Variants in SLC7A8 observed in about 807,000 individuals in gnomAD.
SLC7A8 encodes large neutral amino acids transporter small subunit 2.
In SLC7A8, 30 loss-of-function variants were observed where a neutral mutation model predicts 51.2. That is an observed-to-expected ratio of 0.59 (90% CI 0.44 to 0.80). The LOEUF (loss-of-function observed/expected upper bound fraction) is 0.80, where lower values mean the gene tolerates loss of function less well. Among genes scored for constraint, SLC7A8 ranks in the 30% least tolerant of loss-of-function variants. The probability of loss-of-function intolerance (pLI) is 0.00; values close to 1 mark genes in which losing one functional copy is unlikely to be tolerated. For missense variants in SLC7A8, 612 were observed against 674.4 expected (o/e 0.91, Z 1.03); for synonymous variants, 257 against 275.8 (o/e 0.93, Z 0.67).
Position 23,127,084 on chromosome 14 carries a change from G to GGT in SLC7A8, c.*91_*92dup, listed in dbSNP as rs1279638411. The GGT allele has an allele frequency of 1.4e-6, 2 of 1,441,892 alleles. No homozygotes were observed. The highest frequency in any genetic ancestry group is 1.8e-5 in the Admixed American group (1 of 56,900). 89.3% of individuals were successfully genotyped at this position (1,441,892 alleles called of 1,614,324 possible). The stretch of plus-strand genomic sequence containing the variant: ...ACTGCCTGACAAAAGCAGAGAGAGG[G>GGT]GTGTGTGTGTACTCGCATGTGTTGG... On this transcript the variant is annotated 3_prime_UTR_variant, in exon 11 of 11. Coordinates refer to ENST00000316902, the MANE Select transcript of SLC7A8 (RefSeq NM_012244.4).
rs140950939 is a variant in SLC7A8, at chr14:23,127,029, A to G, written c.*148T>C. ...GTATGAATGTCAGTTTTTGTTTACA[A>G]TTTCTCACCACCCACACCAAAGTCC... On this transcript the variant is annotated 3_prime_UTR_variant, in exon 11 of 11. Transcript: ENST00000316902. 2.2e-3 allele frequency: 2,112 copies of G among 980,526 alleles called. 32 individuals carry two copies. In the African/African-American group the frequency reaches 0.031, roughly 14 times the overall value. The allele number at this position is 980,526 out of a possible 1,614,324, so 60.7% of individuals were successfully genotyped here.
At chr14:23,155,943 T>G (rs747924809) in intron 3 of SLC7A8, among the ~76,000 whole-genome samples, 3 of 152,144 alleles carry the variant, frequency 2.0e-5, no homozygotes, top group African/African-American at 7.2e-5. Context: ...GGTTCAGTTA[T>G]AACCCAATTC....
At chr14:23,155,068 A>G in intron 3 of SLC7A8, 4 of 1,070,322 alleles carry the variant, frequency 3.7e-6, no homozygotes, top group Non-Finnish European at 5.3e-6. Context: ...AGCTTCTATA[A>G]AGTGCACAGT....
intron 3 of SLC7A8, among the ~76,000 whole-genome samples, chr14:23,154,780 A>G (rs1344565990): frequency 1.3e-5 from 2 of 152,240 alleles, no homozygotes; most frequent in Non-Finnish European, 2.9e-5. Context: ...ACACGGATCC[A>G]GCTTCACAGA....
rs758931042 is a variant in SLC7A8, at chr14:23,165,324, G to C, written c.469C>G (p.Pro157Ala). ...LQPLFPTCFP[P>A]ESGLRLLAAI... ...GCCAGGAGCCGAAGGCCAGACTCTG[G>C]GGGGAAGCAGGTGGGGAAGAGCGGC... Residue 157 changes from proline (P) to alanine (A), a missense_variant, in exon 3 of 11, where the codon CCA (proline) becomes GCA (alanine). By Grantham distance (27) the Pro-to-Ala change is conservative. Coordinates refer to ENST00000316902, the MANE Select transcript of SLC7A8 (RefSeq NM_012244.4). The surrounding 1 kb of genome is among the most constrained non-coding windows in gnomAD (Gnocchi z 4.2). The C allele has an allele frequency of 5.0e-6, 8 of 1,608,298 alleles. No homozygotes were observed. The African/African-American group carries it at 5.4e-5, about 11-fold the overall frequency.
In SLC7A8 at chr14:23,166,484, C is replaced by A; in HGVS notation, c.208G>T (p.Gly70Cys). The change falls in exon 2 of 11, where the codon GGT (glycine) becomes TGT (cysteine). Residue 70 changes from glycine (G) to cysteine (C), a missense_variant. By Grantham distance (159) the Gly-to-Cys change is radical. Coordinates refer to ENST00000316902, the MANE Select transcript of SLC7A8 (RefSeq NM_012244.4). ...ACGATGAGAGCAAGGCCCACAGAAC[C>A]AGCATTCTCCAGCACTCCCTTTGGC... ...VSPKGVLENA[G>C]SVGLALIVWI... 1 of 1,614,176 alleles carries A rather than the reference C, an allele frequency of 6.2e-7. No individual in the cohort carries two copies. Among genetic ancestry groups the A allele is most frequent in the Non-Finnish European group, 8.5e-7 (1 of 1,180,042 alleles).
intron 7 of SLC7A8, among the ~76,000 whole-genome samples, chr14:23,135,812 T>A (rs568537245): frequency 2.0e-5 from 3 of 152,224 alleles, no homozygotes; most frequent in Non-Finnish European, 4.4e-5. Context: ...TTTTTACACA[T>A]TATATCAATG....
intron 3 of SLC7A8, among the ~76,000 whole-genome samples, chr14:23,161,298 C>T (rs529070884): frequency 6.6e-6 from 1 of 152,160 alleles, no homozygotes; most frequent in Non-Finnish European, 1.5e-5. Context: ...ACCCTCGCCA[C>T]GGGCTTTACC....
chr14:23,140,537 C>A lies in SLC7A8; in HGVS notation c.722G>T (p.Gly241Val), dbSNP rs777741075. The A allele has an allele frequency of 3.7e-6, 6 of 1,613,954 alleles. No individual in the cohort carries two copies. The highest frequency in any genetic ancestry group is 3.3e-5 in the South Asian group (3 of 91,066). ...GTTCCAGCCTCCATAGGCAAAGGAG[C>A]CCTGAAGGAAAGCCAGTGCGACGAG... The part of the protein sequence containing the change: ...IGLVALAFLQ[G>V]SFAYGGWNFL... The change falls in exon 5 of 11, where the codon GGC becomes GTC. Residue 241 changes from glycine (G) to valine (V), a missense_variant. Gly to Val is a moderately radical substitution (Grantham distance 109). Transcript: ENST00000316902.
At chr14:23,161,918 C>T (rs1471580617) in intron 3 of SLC7A8, among the ~76,000 whole-genome samples, 1 of 95,156 alleles carries the variant, frequency 1.1e-5, no homozygotes, top group African/African-American at 4.0e-5. Context: ...CAGAGTGAGA[C>T]TCCATCTAAA....
chr14:23,170,362 A>C (rs1471728251), intron 1 of SLC7A8, among the ~76,000 whole-genome samples: 1 of 152,100 alleles, frequency 6.6e-6, no homozygotes, highest in Admixed American at 6.6e-5. Context: ...ACTTTCCTGG[A>C]GTGGCTTTGA....
intron 1 of SLC7A8, among the ~76,000 whole-genome samples, chr14:23,167,586 G>T (rs896373537): frequency 1.3e-5 from 2 of 152,092 alleles, no homozygotes; most frequent in African/African-American, 4.8e-5. Flanking sequence ...AGGAGTAAGA[G>T]TGTGGAGGCC....
intron 3 of SLC7A8, chr14:23,154,253 CCTCACCTTTTGCTGGGGCGT>C (rs1444147569): frequency 2.0e-6 from 2 of 1,000,166 alleles, no homozygotes; most frequent in African/African-American, 3.5e-5. Context: ...GGCTTCTCAG[CCTCACCTTTTGCTGGGGCGT>C]TCACTTCTCT....
chr14:23,161,977 TTGTTTTAC>T (rs1016155011), intron 3 of SLC7A8, among the ~76,000 whole-genome samples: 6 of 150,726 alleles, frequency 4.0e-5, no homozygotes, highest in African/African-American at 1.5e-4. Context: ...AGCTTGGTTC[TTGTTTTAC>T]TGAATACCGT....
chr14:23,129,626 G>A (rs746664823), intron 9 of SLC7A8, 24 bp downstream of exon 9: 4 of 1,611,894 alleles, frequency 2.5e-6, no homozygotes, highest in African/African-American at 1.3e-5. Context: ...AAGGGGAGGG[G>A]ACCCCAAAGG....
rs189695808 is a variant in SLC7A8, at chr14:23,140,332, C to T, written c.788+139G>A. 164 of 917,952 alleles carry T rather than the reference C, an allele frequency of 1.8e-4. No individual in the cohort carries two copies. In the East Asian group the frequency reaches 2.9e-3, roughly 16 times the overall value. The allele number at this position is 917,952 out of a possible 1,614,324, so 56.9% of individuals were successfully genotyped here. A position where few individuals can be genotyped will look rare whatever the true frequency, so the allele number is the denominator to read the frequency against. Reference sequence around the variant, plus strand: ...GTTTAAGTGCCTGGGAAATGAACTACGACTTCAGGATAGATCAAATCACAG... The same window carrying T: ...GTTTAAGTGCCTGGGAAATGAACTATGACTTCAGGATAGATCAAATCACAG... On this transcript the variant is annotated intron_variant, in intron 5 of 10. Transcript: ENST00000316902.
At chr14:23,149,642 A>G (rs540865497) in intron 3 of SLC7A8, among the ~76,000 whole-genome samples, 2 of 152,318 alleles carry the variant, frequency 1.3e-5, no homozygotes, top group South Asian at 4.1e-4. Flanking sequence ...CCCACCGTGT[A>G]CTGTCCTGTG....
At position 23,182,853 on chromosome 14, in the gene SLC7A8, G is replaced by A. The variant is rs369866663; in HGVS notation, c.62C>T (p.Ser21Leu). Residue 21 changes from serine to leucine, a missense_variant, in exon 1 of 11, where the codon TCG (serine) becomes TTG (leucine). Ser to Leu is a moderately radical substitution (Grantham distance 145). Transcript: ENST00000316902. ...TEKKHPGGGESDASPEAGSGG... is the reference protein window; with the variant it reads ...TEKKHPGGGELDASPEAGSGG... ...GGAACCAGCCTCGGGGCTGGCGTCC[G>A]ACTCGCCCCCACCTGGGTGTTTCTT... 2.5e-6 allele frequency: 4 copies of A among 1,614,066 alleles called. No homozygotes were observed. The highest frequency in any genetic ancestry group is 1.1e-5 in the South Asian group (1 of 91,076).
chr14:23,135,360 G>C (rs1401063108), intron 7 of SLC7A8, among the ~76,000 whole-genome samples: 1 of 150,216 alleles, frequency 6.7e-6, no homozygotes, highest in South Asian at 2.2e-4. Context: ...AAGTGCTGGG[G>C]ATTATAGGTG....
Sources: gnomAD v4.1 joint callset for allele counts (sites outside exome capture counted in the v4.1 genomes callset) on GRCh38, gnomAD v4.1.1 for gene constraint, Gnocchi (gnomAD v3.1) non-coding constraint, MANE v1.5 for transcripts, NCBI Gene and HGNC (gene_info 2026-07-23, HGNC 2026-07-21) for gene names.